The following IGSF11 variants were observed in gnomAD, a reference collection of about 807,000 sequenced individuals.
IGSF11 encodes the protein immunoglobulin superfamily member 11.
A neutral mutation model predicts 41.0 loss-of-function variants in IGSF11; 22 were observed. That is an observed-to-expected ratio of 0.54 (90% CI 0.38 to 0.77). IGSF11 has a LOEUF of 0.77. Ranked by LOEUF, IGSF11 falls within the 30% of genes least tolerant of loss-of-function variation. The pLI, the probability that IGSF11 is intolerant of heterozygous loss-of-function variation, is 0.00. For missense variants in IGSF11, 444 were observed against 530.8 expected (o/e 0.84, Z 1.61); for synonymous variants, 219 against 201.3 (o/e 1.09, Z -0.74).
chr3:119,071,225 T>G (rs1003919976), intron 1 of IGSF11, among the ~76,000 whole-genome samples: 1 of 152,220 alleles, frequency 6.6e-6, no homozygotes, highest in African/African-American at 2.4e-5. Flanking sequence ...TAAATGACCA[T>G]GGCCACAGTA....
intron 1 of IGSF11, among the ~76,000 whole-genome samples, chr3:119,101,364 C>T (rs192655557): frequency 4.4e-4 from 67 of 152,102 alleles, no homozygotes; most frequent in Non-Finnish European, 7.8e-4. Context: ...ACAAAATTAG[C>T]CAAGCGTGGT....
intron 1 of IGSF11, among the ~76,000 whole-genome samples, chr3:119,043,828 C>A (rs760233064): frequency 3.9e-5 from 6 of 152,166 alleles, no homozygotes; most frequent in Non-Finnish European, 7.3e-5. Flanking sequence ...TGCAGTCCAG[C>A]TTTCAAGAAG....
intron 1 of IGSF11, among the ~76,000 whole-genome samples, chr3:119,126,267 G>T (rs536545610): frequency 6.6e-6 from 1 of 152,366 alleles, no homozygotes; most frequent in African/African-American, 2.4e-5. Context: ...AGCAGCCAGA[G>T]TGCCTCTTCA....
Position 119,070,713 on chromosome 3 carries a change from G to T in IGSF11, c.49+34431C>A, listed in dbSNP as rs542475568. 3.3e-5 allele frequency among the ~76,000 whole-genome samples: 5 copies of T among 152,154 alleles called. No individual in the cohort carries two copies. The South Asian group carries it at 8.3e-4, about 25-fold the overall frequency. Reference sequence around the variant, plus strand: ...TTCCTAAATGAATACAGATATAGAGGCACCTGTGGAATAAAGACAAGAGGA... The same window carrying T: ...TTCCTAAATGAATACAGATATAGAGTCACCTGTGGAATAAAGACAAGAGGA... On this transcript the variant is annotated intron_variant, in intron 1 of 6. Coordinates refer to the IGSF11 transcript ENST00000354673.
intron 1 of IGSF11, among the ~76,000 whole-genome samples, chr3:119,050,406 C>G (rs1941570279): frequency 6.6e-6 from 1 of 152,238 alleles, no homozygotes; most frequent in South Asian, 2.1e-4. Flanking sequence ...TGCTGACCAT[C>G]ACTAGCCATC....
At chr3:119,120,262 TA>T (rs1318858267) in intron 1 of IGSF11, among the ~76,000 whole-genome samples, 1 of 152,128 alleles carries the variant, frequency 6.6e-6, no homozygotes, top group Non-Finnish European at 1.5e-5. Flanking sequence ...AGCCAGGGCT[TA>T]AAAACAAAAG....
At chr3:119,064,511 CTTTTTTTTTT>C (rs779910295) in intron 1 of IGSF11, among the ~76,000 whole-genome samples, 3 of 101,398 alleles carry the variant, frequency 3.0e-5, no homozygotes, top group Admixed American at 2.2e-4. Flanking sequence ...CTTGGCTGCT[CTTTTTTTTTT>C]TTTTTTTTTT....
chr3:119,006,761 C>G (rs1937522541), intron 1 of IGSF11, among the ~76,000 whole-genome samples: 1 of 150,732 alleles, frequency 6.6e-6, no homozygotes, highest in Non-Finnish European at 1.5e-5. Flanking sequence ...GGGGTGCCTC[C>G]CAGTTAGGCT....
chr3:118,916,973 A>G (rs1343519286), intron 4 of IGSF11, among the ~76,000 whole-genome samples: 1 of 152,202 alleles, frequency 6.6e-6, no homozygotes, highest in Non-Finnish European at 1.5e-5. Flanking sequence ...CTGCTCAGCT[A>G]CATGGAAACT....
intron 1 of IGSF11, among the ~76,000 whole-genome samples, chr3:118,934,737 C>T (rs374670803): frequency 6.6e-6 from 1 of 152,264 alleles, no homozygotes; most frequent in African/African-American, 2.4e-5. Context: ...GTGAATGGCT[C>T]GAACAGGGCC....
In IGSF11 at chr3:119,132,608, C is replaced by A. The variant is rs540698403; in HGVS notation, c.-14+13205G>T. Among the ~76,000 whole-genome samples, 4 of 151,974 alleles carry A rather than the reference C, an allele frequency of 2.6e-5. No homozygotes were observed. The South Asian group carries it at 8.3e-4, about 32-fold the overall frequency. On this transcript the variant is annotated intron_variant, in intron 1 of 7. Transcript: ENST00000425327. Reference sequence around the variant, plus strand: ...GAGACCTATAAAAGACTTAGACTCCCGCATAATAATAATGGGAGACTTTAA... The same window carrying A: ...GAGACCTATAAAAGACTTAGACTCCAGCATAATAATAATGGGAGACTTTAA...
At chr3:118,983,986 A>T (rs1317543264) in intron 1 of IGSF11, among the ~76,000 whole-genome samples, 3 of 152,016 alleles carry the variant, frequency 2.0e-5, no homozygotes, top group Non-Finnish European at 4.4e-5. Flanking sequence ...GGTAGGGGGA[A>T]GTCCACTCTC....
At chr3:119,034,872 A>C, upstream of IGSF11, 1 of 1,188,334 alleles carries the variant, frequency 8.4e-7, no homozygotes, top group Non-Finnish European at 1.0e-6. Flanking sequence ...CAGTCCGGGG[A>C]GCCACTCCCC....
chr3:118,955,050 C>G (rs1450074029), intron 1 of IGSF11, among the ~76,000 whole-genome samples: 1 of 152,184 alleles, frequency 6.6e-6, no homozygotes, highest in Non-Finnish European at 1.5e-5. Context: ...AGCAATCCCA[C>G]TACTGGGTAT....
chr3:118,959,813 C>G (rs1317275231), intron 1 of IGSF11, among the ~76,000 whole-genome samples: 1 of 151,918 alleles, frequency 6.6e-6, no homozygotes, highest in Non-Finnish European at 1.5e-5. Flanking sequence ...TTTGGGAGGC[C>G]AAGGCGGGCA....
At chr3:118,999,471 TC>T (rs1285414185) in intron 1 of IGSF11, among the ~76,000 whole-genome samples, 1 of 152,180 alleles carries the variant, frequency 6.6e-6, no homozygotes, top group Non-Finnish European at 1.5e-5. Context: ...GTTAATTTCA[TC>T]CCAAACCCTT....
chr3:119,051,685 A>C (rs890810804), intron 1 of IGSF11, among the ~76,000 whole-genome samples: 2 of 152,222 alleles, frequency 1.3e-5, no homozygotes, highest in Non-Finnish European at 1.5e-5. Context: ...CATTCTATTT[A>C]TCAGCACATG....
intron 1 of IGSF11, among the ~76,000 whole-genome samples, chr3:119,053,992 C>G (rs1272896676): frequency 3.3e-5 from 5 of 152,206 alleles, no homozygotes; most frequent in African/African-American, 1.2e-4. Flanking sequence ...GGATCCTCAT[C>G]TCTCACTTTA....
At chr3:119,086,078 A>G (rs1330862463) in intron 1 of IGSF11, among the ~76,000 whole-genome samples, 1 of 152,182 alleles carries the variant, frequency 6.6e-6, no homozygotes, top group African/African-American at 2.4e-5. Flanking sequence ...CATATGCACT[A>G]TGGAGAGGAT....
Sources: allele counts gnomAD v4.1 joint callset (sites outside exome capture counted in the v4.1 genomes callset), GRCh38; gene constraint gnomAD v4.1.1; transcripts MANE v1.5; gene names NCBI Gene and HGNC (gene_info 2026-07-23, HGNC 2026-07-21).